The following CCSER2 variants were observed in gnomAD, a reference collection of about 807,000 sequenced individuals.
CCSER2 encodes coiled-coil serine rich protein 2, also known as serine-rich coiled-coil domain-containing protein 2.
CCSER2 carries 46 observed loss-of-function variants against 92.3 expected under a neutral mutation model. That is an observed-to-expected ratio of 0.50 (90% CI 0.39 to 0.64). The LOEUF (loss-of-function observed/expected upper bound fraction) is 0.64, where lower values mean the gene tolerates loss of function less well. Among genes scored for constraint, CCSER2 ranks in the 30% least tolerant of loss-of-function variants. The pLI, the probability that CCSER2 is intolerant of heterozygous loss-of-function variation, is 0.00. For synonymous variants in CCSER2, 433 were observed against 431.4 expected (o/e 1.00, Z -0.04); for missense variants, 1,244 against 1,238.9 (o/e 1.00, Z -0.06).
intron 4 of CCSER2, among the ~76,000 whole-genome samples, chr10:84,423,283 A>G (rs949321554): frequency 3.3e-5 from 5 of 152,226 alleles, no homozygotes; most frequent in Admixed American, 6.5e-5. Flanking sequence ...TACTTCCTGC[A>G]GAATCTTGGA....
At position 84,358,661 on chromosome 10, in the gene CCSER2, C is replaced by CATATATATATATGTATATATAT. The variant is rs1180094564; in HGVS notation, c.-39-12348_-39-12347insTATATATGTATATATATATATA. Among the ~76,000 whole-genome samples, 7 of 146,124 alleles carry CATATATATATATGTATATATAT rather than the reference C, an allele frequency of 4.8e-5. 1 individual carries two copies. Among genetic ancestry groups the CATATATATATATGTATATATAT allele is most frequent in the African/African-American group, 7.6e-5 (3 of 39,516 alleles). On this transcript the variant is annotated intron_variant, in intron 1 of 9. Coordinates refer to ENST00000372088, the MANE Select transcript of CCSER2 (RefSeq NM_001284240.2). ...ATGTATATATGTGTATATATATATA[C>CATATATATATATGTATATATAT]ATATACATATATGTATATATATATA...
chr10:84,470,440 A>C lies in CCSER2; in HGVS notation c.2217A>C (p.Gln739His). The change falls in exon 8 of 10, where the codon CAA (glutamine) becomes CAC (histidine). Residue 739 changes from glutamine (Q) to histidine (H), a missense_variant. Physicochemically the swap from Gln to His is conservative, Grantham distance 24. Transcript: ENST00000372088. ...TAAAGAAAAAAGATGAAAAGATCCAACTATTAGAACTTCAGCTTGTAAGTA... is the reference window on the plus strand; with the variant it reads ...TAAAGAAAAAAGATGAAAAGATCCACCTATTAGAACTTCAGCTTGTAAGTA... ...DEIKKKDEKIQLLELQLATQH... is the reference protein window; with the variant it reads ...DEIKKKDEKIHLLELQLATQH... The C allele has an allele frequency of 7.1e-7, 1 of 1,409,762 alleles. No individual in the cohort carries two copies. Among genetic ancestry groups the C allele is most frequent in the South Asian group, 1.4e-5 (1 of 73,006 alleles). 87.3% of individuals were successfully genotyped at this position (1,409,762 alleles called of 1,614,324 possible).
Position 84,336,851 on chromosome 10 carries a change from T to C in CCSER2, c.-40+8043T>C, listed in dbSNP as rs1843865800. Among the ~76,000 whole-genome samples the C allele has an allele frequency of 4.6e-5, 7 of 152,280 alleles. 1 individual carries two copies. The East Asian group carries it at 1.2e-3, about 25-fold the overall frequency. The stretch of plus-strand genomic sequence containing the variant: ...AGCAGTAATCCTAAGTGGGAGATGA[T>C]GATTTTAGGCAGGGATTGGGAGAAG... On this transcript the variant is annotated intron_variant, in intron 1 of 9. Transcript: ENST00000372088.
chr10:84,449,315 C>T (rs1845124539), intron 6 of CCSER2, among the ~76,000 whole-genome samples: 1 of 152,104 alleles, frequency 6.6e-6, no homozygotes, highest in Non-Finnish European at 1.5e-5. Context: ...GCAGAGGTTG[C>T]AGCGAGCTGA....
intron 9 of CCSER2, among the ~76,000 whole-genome samples, chr10:84,489,349 T>G (rs1201405): frequency 6.6e-6 from 1 of 152,056 alleles, no homozygotes; most frequent in East Asian, 1.9e-4. Context: ...GTTAAAGTCT[T>G]TCATTATTAT....
intron 3 of CCSER2, among the ~76,000 whole-genome samples, chr10:84,400,625 CA>C (rs1245069587): frequency 6.6e-6 from 1 of 152,102 alleles, no homozygotes; most frequent in Non-Finnish European, 1.5e-5. Context: ...TTAAAAGTGC[CA>C]TCTGAGACCA....
chr10:84,500,820 C>T (rs891415105), intron 9 of CCSER2, among the ~76,000 whole-genome samples: 7 of 152,130 alleles, frequency 4.6e-5, no homozygotes, highest in African/African-American at 1.7e-4. Flanking sequence ...TTTCATTATC[C>T]ATTTCCATGT....
chr10:84,436,374 G>A (rs1186776579), intron 5 of CCSER2, among the ~76,000 whole-genome samples: 2 of 133,840 alleles, frequency 1.5e-5, no homozygotes, highest in Admixed American at 1.6e-4. Flanking sequence ...GGTGTCTCAA[G>A]CCTGTCATCC....
In CCSER2 at chr10:84,371,089, TCCAAG is replaced by T; in HGVS notation, c.38_42del (p.Ser13PhefsTer23). On this transcript the variant is annotated frameshift_variant, in exon 2 of 10. Coordinates refer to ENST00000372088, the MANE Select transcript of CCSER2 (RefSeq NM_001284240.2). LOFTEE classifies it high-confidence loss of function. ...AACACAAATCAAGACATTTTTGGGT[TCCAAG>T]TTGCCAAAGTATGGAACAAAATCTG... The T allele has an allele frequency of 6.2e-7, 1 of 1,601,658 alleles. No homozygotes were observed. Among genetic ancestry groups the T allele is most frequent in the African/African-American group, 1.3e-5 (1 of 74,362 alleles).
At chr10:84,420,714 A>G (rs1421419575) in intron 4 of CCSER2, among the ~76,000 whole-genome samples, 1 of 152,112 alleles carries the variant, frequency 6.6e-6, no homozygotes, top group Non-Finnish European at 1.5e-5. Flanking sequence ...TGGGCAGAAC[A>G]CAAGGTCAGG....
chr10:84,402,006 T>C (rs1248332064), intron 3 of CCSER2, among the ~76,000 whole-genome samples: 2 of 152,228 alleles, frequency 1.3e-5, no homozygotes, highest in African/African-American at 2.4e-5. Context: ...ACTTATTTGC[T>C]AATGAACTTA....
chr10:84,446,867 T>C (rs2133562371), intron 6 of CCSER2, among the ~76,000 whole-genome samples: 1 of 152,100 alleles, frequency 6.6e-6, no homozygotes, highest in Middle Eastern at 3.4e-3. Context: ...AATTATAATG[T>C]GAGTATTCCT....
chr10:84,394,844 A>G (rs985078483), intron 3 of CCSER2, among the ~76,000 whole-genome samples: 1 of 152,178 alleles, frequency 6.6e-6, no homozygotes, highest in Non-Finnish European at 1.5e-5. Flanking sequence ...TCTCATAAAA[A>G]TGAAGTTACT....
In CCSER2 at chr10:84,517,901, A is replaced by G. The variant is rs1849649393; in HGVS notation, c.*3634A>G. ...TAGGGCACTGGGGATGTACTTTGAA[A>G]TCACCGAACAGGCTTGCAATTAAGA... On this transcript the variant is annotated 3_prime_UTR_variant, in exon 10 of 10. Transcript: ENST00000372088. 1 of 152,500 alleles carries G rather than the reference A, an allele frequency of 6.6e-6. No individual in the cohort carries two copies. Among genetic ancestry groups the G allele is most frequent in the Non-Finnish European group, 1.5e-5 (1 of 68,040 alleles). The allele number at this position is 152,500 out of a possible 1,614,324, so 9.4% of individuals were successfully genotyped here.
intron 1 of CCSER2, among the ~76,000 whole-genome samples, chr10:84,329,161 C>G (rs1843419874): frequency 6.6e-6 from 1 of 152,132 alleles, no homozygotes; most frequent in Admixed American, 6.5e-5. Flanking sequence ...AGTACCGGGG[C>G]TCCCCGAATG....
chr10:84,364,467 C>A (rs1845673919), intron 1 of CCSER2, among the ~76,000 whole-genome samples: 1 of 152,128 alleles, frequency 6.6e-6, no homozygotes, highest in African/African-American at 2.4e-5. Flanking sequence ...GAACCCGAAT[C>A]CTCTTTGACA....
At chr10:84,387,777 C>T (rs564222706) in intron 3 of CCSER2, among the ~76,000 whole-genome samples, 29 of 152,276 alleles carry the variant, frequency 1.9e-4, no homozygotes, top group African/African-American at 6.3e-4. Context: ...ATCCGCCCAC[C>T]TCGGCCTCCC....
At chr10:84,441,731 A>G (rs1432240281) in intron 6 of CCSER2, among the ~76,000 whole-genome samples, 5 of 124,958 alleles carry the variant, frequency 4.0e-5, no homozygotes, top group Admixed American at 2.5e-4. Flanking sequence ...GAAGACTGGG[A>G]AAATGTTTTT....
At chr10:84,466,040 A>G (rs1846407098) in intron 7 of CCSER2, among the ~76,000 whole-genome samples, 1 of 152,152 alleles carries the variant, frequency 6.6e-6, no homozygotes, top group Non-Finnish European at 1.5e-5. Flanking sequence ...GCCCGGCCAT[A>G]TGATAGACAT....
Sources: gnomAD v4.1 joint callset for allele counts (sites outside exome capture counted in the v4.1 genomes callset) on GRCh38, gnomAD v4.1.1 for gene constraint, MANE v1.5 for transcripts, NCBI Gene and HGNC (gene_info 2026-07-23, HGNC 2026-07-21) for gene names.